CD5L: variants seen among roughly 807,000 people sequenced by gnomAD.
CD5L encodes CD5 antigen-like.
In CD5L, 39 loss-of-function variants were observed where a neutral mutation model predicts 40.8. That is an observed-to-expected ratio of 0.96 (90% CI 0.74 to 1.25). The LOEUF is 1.25. CD5L is among the 50% of genes most tolerant of loss of function. The pLI is 0.00. For synonymous variants in CD5L, 192 were observed against 169.6 expected (o/e 1.13, Z -1.03); for missense variants, 433 against 435.9 (o/e 0.99, Z 0.06).
chr1:157,839,220 G>A (rs1656297883), intron 2 of CD5L, among the ~76,000 whole-genome samples, 164 bp downstream of exon 2: 1 of 152,136 alleles, frequency 6.6e-6, no homozygotes. Flanking sequence ...AAATTCTGGA[G>A]GTGGAAATCT....
intron 2 of CD5L, among the ~76,000 whole-genome samples, chr1:157,838,117 A>G (rs1332170665): frequency 6.6e-6 from 1 of 152,082 alleles, no homozygotes; most frequent in Non-Finnish European, 1.5e-5. Flanking sequence ...GCTTATGTTT[A>G]TTTCATGCAT....
chr1:157,834,776 G>A (rs758670948), intron 3 of CD5L, 28 bp from the exon 4 acceptor site: 2 of 1,569,994 alleles, frequency 1.3e-6, no homozygotes, highest in Middle Eastern at 1.7e-4. Context: ...GAGCGTGTCT[G>A]TTCTCTGCCA....
chr1:157,833,554 G>A (rs1315427760), intron 4 of CD5L, 42 bp from the exon 5 acceptor site: 1 of 1,445,516 alleles, frequency 6.9e-7, no homozygotes. Flanking sequence ...AGACAGGAAG[G>A]GAAAGGAGAA....
At chr1:157,829,760 C>A (rs991064082), downstream of CD5L, among the ~76,000 whole-genome samples, 4 of 151,968 alleles carry the variant, frequency 2.6e-5, no homozygotes, top group African/African-American at 9.7e-5. Context: ...GTACGAAAAC[C>A]AACATAAGTC....
intron 4 of CD5L, 140 bp downstream of exon 4, chr1:157,834,267 A>G (rs1385381988): frequency 1.1e-5 from 8 of 704,178 alleles, no homozygotes; most frequent in African/African-American, 7.2e-5. Context: ...TGAAAAACAA[A>G]GGAATTAATT....
chr1:157,834,508 A>G lies in CD5L; in HGVS notation c.617T>C (p.Met206Thr). ...GGTTGCTTCTCGTCCTGAGCATGAC[A>G]TCTGGCTCAGCCAGATGGGTTTTCG... is the stretch of plus-strand genomic sequence containing the variant. ...YGRKPIWLSQ[M>T]SCSGREATLQ... The change falls in exon 4 of 6, where the codon ATG (methionine) becomes ACG (threonine). Residue 206 changes from methionine (M) to threonine (T), a missense_variant. Transcript: ENST00000368174. 1 of 1,614,228 alleles carries G rather than the reference A, an allele frequency of 6.2e-7. No individual in the cohort carries two copies. The highest frequency in any genetic ancestry group is 2.2e-5 in the East Asian group (1 of 44,890).
chr1:157,836,248 C>G (rs1656212641), intron 2 of CD5L, 93 bp from the exon 3 acceptor site: 3 of 1,005,574 alleles, frequency 3.0e-6, no homozygotes, highest in Non-Finnish European at 4.4e-6. Context: ...TTCCACCATT[C>G]AAATGGTGCA....
chr1:157,841,050 A>G (rs1341124847), intron 1 of CD5L, among the ~76,000 whole-genome samples: 2 of 152,198 alleles, frequency 1.3e-5, no homozygotes, highest in Non-Finnish European at 2.9e-5. Context: ...AAATACTCCT[A>G]AAAACCTCTG....
downstream of CD5L, among the ~76,000 whole-genome samples, chr1:157,829,278 C>T (rs1263565073): frequency 6.6e-6 from 1 of 152,290 alleles, no homozygotes; most frequent in East Asian, 1.9e-4. Flanking sequence ...GGGTTATAAC[C>T]TGATTTAAAT....
At chr1:157,837,497 A>G (rs957084748) in intron 2 of CD5L, among the ~76,000 whole-genome samples, 1 of 152,240 alleles carries the variant, frequency 6.6e-6, no homozygotes, top group Non-Finnish European at 1.5e-5. Flanking sequence ...TGAATTTGCC[A>G]TGCTTACATG....
chr1:157,831,704 A>G lies in CD5L; in HGVS notation c.*260T>C. On this transcript the variant is annotated 3_prime_UTR_variant, in exon 6 of 6. Transcript: ENST00000368174. ...CAGGAAAGGCCAGAACCAGTGTCAA[A>G]GGGTCAGGGTTGAGCACAGGATACA... 8.2e-7 allele frequency: 1 copy of G among 1,223,946 alleles called. No individual in the cohort carries two copies. Among genetic ancestry groups the G allele is most frequent in the Non-Finnish European group, 1.0e-6 (1 of 981,766 alleles). The allele number at this position is 1,223,946 out of a possible 1,614,324, so 75.8% of individuals were successfully genotyped here. A position where few individuals can be genotyped will look rare whatever the true frequency, so the allele number is the denominator to read the frequency against.
In CD5L at chr1:157,831,454, G is replaced by T; in HGVS notation, c.*510C>A. ...TGAAGCTTGAGGAAAAAAAAAAAAA[G>T]TAGTCCAATCAAAAGAATTCTAAAC... is the stretch of plus-strand genomic sequence containing the variant. On this transcript the variant is annotated 3_prime_UTR_variant, in exon 6 of 6. Coordinates refer to ENST00000368174, the MANE Select transcript of CD5L (RefSeq NM_005894.3). 1 of 977,378 alleles carries T rather than the reference G, an allele frequency of 1.0e-6. No individual in the cohort carries two copies. The highest frequency in any genetic ancestry group is 1.2e-6 in the Non-Finnish European group (1 of 822,960). 60.5% of individuals were successfully genotyped at this position (977,378 alleles called of 1,614,324 possible). A position where few individuals can be genotyped will look rare whatever the true frequency, so the allele number is the denominator to read the frequency against.
Position 157,831,106 on chromosome 1 carries a change from C to T in CD5L, c.*858G>A. 3 of 985,410 alleles carry T rather than the reference C, an allele frequency of 3.0e-6. No individual in the cohort carries two copies. Among genetic ancestry groups the T allele is most frequent in the Non-Finnish European group, 2.4e-6 (2 of 829,928 alleles). The allele number at this position is 985,410 out of a possible 1,614,324, so 61.0% of individuals were successfully genotyped here. Reference sequence around the variant, plus strand: ...GATAAAGTGAAAATGATATTTTTCACTTTCGCTTGGCATAAGACACAACTT... The same window carrying T: ...GATAAAGTGAAAATGATATTTTTCATTTTCGCTTGGCATAAGACACAACTT... On this transcript the variant is annotated 3_prime_UTR_variant, in exon 6 of 6. Transcript: ENST00000368174.
chr1:157,833,114 C>A (rs1280106287), intron 5 of CD5L, 78 bp downstream of exon 5: 2 of 1,152,566 alleles, frequency 1.7e-6, no homozygotes, highest in Non-Finnish European at 2.5e-6. Flanking sequence ...CCCTTTTCCC[C>A]AGAGTACACC....
rs1656034026 is a variant in CD5L, at chr1:157,831,081, G to T, written c.*883C>A. ...GCTTACAGGCCCCAAAGTCTCAGTT[G>T]ATAAAGTGAAAATGATATTTTTCAC... On this transcript the variant is annotated 3_prime_UTR_variant, in exon 6 of 6. Coordinates refer to ENST00000368174, the MANE Select transcript of CD5L (RefSeq NM_005894.3). The T allele has an allele frequency of 1.0e-6, 1 of 985,178 alleles. No homozygotes were observed. Among genetic ancestry groups the T allele is most frequent in the South Asian group, 4.7e-5 (1 of 21,284 alleles). 61.0% of individuals were successfully genotyped at this position (985,178 alleles called of 1,614,324 possible). A position where few individuals can be genotyped will look rare whatever the true frequency, so the allele number is the denominator to read the frequency against.
chr1:157,830,703 G>A (rs1656024317), downstream of CD5L, among the ~76,000 whole-genome samples: 3 of 152,220 alleles, frequency 2.0e-5, no homozygotes, highest in Admixed American at 1.3e-4. Context: ...TTAGCCTGAA[G>A]TCCAGGAGCA....
intron 1 of CD5L, among the ~76,000 whole-genome samples, chr1:157,839,872 T>C (rs10489683): frequency 6.6e-6 from 1 of 151,908 alleles, no homozygotes; most frequent in Non-Finnish European, 1.5e-5. Flanking sequence ...CGGCACAGCA[T>C]TTAGACCAGG....
At chr1:157,833,169 T>G (rs1420571010) in intron 5 of CD5L, 23 bp downstream of exon 5, 3 of 1,578,062 alleles carry the variant, frequency 1.9e-6, no homozygotes, top group Non-Finnish European at 2.6e-6. Context: ...CCAGCCCTTA[T>G]GAACTCCATC....
intron 2 of CD5L, among the ~76,000 whole-genome samples, chr1:157,839,179 C>T (rs893812046): frequency 6.6e-6 from 1 of 152,154 alleles, no homozygotes; most frequent in Non-Finnish European, 1.5e-5. Flanking sequence ...GAGAGGTACC[C>T]CCTGCCAGGA....
Sources: gnomAD v4.1 joint callset for allele counts (sites outside exome capture counted in the v4.1 genomes callset) on GRCh38, gnomAD v4.1.1 for gene constraint, MANE v1.5 for transcripts, NCBI Gene and HGNC (gene_info 2026-07-23, HGNC 2026-07-21) for gene names.